Variants in SAP130 observed in about 807,000 individuals in gnomAD.
SAP130 encodes the protein Sin3A associated protein 130.
In SAP130, 16 loss-of-function variants were observed where a neutral mutation model predicts 103.2. That is an observed-to-expected ratio of 0.16 (90% CI 0.10 to 0.24). The LOEUF (loss-of-function observed/expected upper bound fraction) is 0.24. SAP130 is among the 10% of genes least tolerant of loss of function. The pLI is 1.00. For synonymous variants in SAP130, 477 were observed against 497.0 expected (o/e 0.96, Z 0.53); for missense variants, 990 against 1,359.7 (o/e 0.73, Z 4.28).
intron 15 of SAP130, among the ~76,000 whole-genome samples, chr2:127,977,335 C>CAAAAA (rs36038328): frequency 8.9e-6 from 1 of 111,756 alleles, no homozygotes; most frequent in Non-Finnish European, 1.7e-5. Flanking sequence ...ACTTAAAATA[C>CAAAAA]AAAAAAAAAA....
At chr2:128,027,163 T>A (rs1486076406) in intron 1 of SAP130, 1 of 1,292,850 alleles carries the variant, frequency 7.7e-7, no homozygotes, top group Non-Finnish European at 9.9e-7. Flanking sequence ...GGAGGGCCCA[T>A]CTCGGCGGCG....
At position 128,006,379 on chromosome 2, in the gene SAP130, A is replaced by T. The variant is rs372828731; in HGVS notation, c.869+3890T>A. 4.6e-5 allele frequency among the ~76,000 whole-genome samples: 7 copies of T among 152,354 alleles called. No individual in the cohort carries two copies. In the East Asian group the frequency reaches 9.6e-4, roughly 21 times the overall value. On this transcript the variant is annotated intron_variant, in intron 7 of 20. Transcript: ENST00000643581. ...CTGAATGTATTTAGTAGAAAAATTA[A>T]GATATGACTTACATTTTTCTGGAAT...
In SAP130 at chr2:127,989,387, T is replaced by G. The variant is rs1206602078; in HGVS notation, c.1780+177A>C. On this transcript the variant is annotated intron_variant, in intron 13 of 20. Coordinates refer to ENST00000643581, the MANE Select transcript of SAP130 (RefSeq NM_001330301.2). The surrounding 1 kb of genome is among the most constrained non-coding windows in gnomAD (Gnocchi z 4.6). ...GCTGGGATTACAGTGAGGTATATTA[T>G]TTCTAACGTTTACAGTGACCCTGAA... Among the ~76,000 whole-genome samples, 3 of 152,108 alleles carry G rather than the reference T, an allele frequency of 2.0e-5. No individual in the cohort carries two copies. Among genetic ancestry groups the G allele is most frequent in the African/African-American group, 7.2e-5 (3 of 41,436 alleles).
At chr2:127,965,769 G>A (rs750599742) in intron 15 of SAP130, among the ~76,000 whole-genome samples, 12 of 151,904 alleles carry the variant, frequency 7.9e-5, no homozygotes, top group East Asian at 1.9e-4. Context: ...CAGACTGGGC[G>A]ACAGAGCGAG....
intron 15 of SAP130, among the ~76,000 whole-genome samples, chr2:127,967,816 C>T (rs566198476): frequency 2.0e-5 from 3 of 152,198 alleles, no homozygotes; most frequent in Admixed American, 1.3e-4. Context: ...ATATAGAATA[C>T]TCCACCCAAC....
chr2:127,978,904 A>G (rs1681662583), intron 14 of SAP130, among the ~76,000 whole-genome samples: 1 of 152,374 alleles, frequency 6.6e-6, no homozygotes, highest in East Asian at 1.9e-4. Context: ...AATGTGGAAG[A>G]TAGAACAAGT....
chr2:128,027,466 G>C lies in SAP130; in HGVS notation c.-7+474C>G, dbSNP rs1467541373. On this transcript the variant is annotated intron_variant, in intron 1 of 20. Transcript: ENST00000643581. ...CTGGCCGGGGCAGCCCAAACCCCTC[G>C]AGGCTGAGCCAATGGCAGAGGAAGA... 4 of 965,074 alleles carry C rather than the reference G, an allele frequency of 4.1e-6. No individual in the cohort carries two copies. The African/African-American group carries it at 5.3e-5, about 13-fold the overall frequency. 59.8% of individuals were successfully genotyped at this position (965,074 alleles called of 1,614,324 possible). A position where few individuals can be genotyped will look rare whatever the true frequency, so the allele number is the denominator to read the frequency against.
intron 1 of SAP130, 28 bp downstream of exon 1, chr2:128,027,912 C>T (rs1231063254): frequency 1.6e-5 from 16 of 984,254 alleles, no homozygotes; most frequent in South Asian, 4.7e-5. Context: ...TCCTCCCCTT[C>T]CCTCCCGGGC....
In SAP130 at chr2:127,950,155, A is replaced by G. The variant is rs763452745; in HGVS notation, c.2671+5T>C. The G allele has an allele frequency of 3.7e-6, 6 of 1,614,186 alleles. No homozygotes were observed. Among genetic ancestry groups the G allele is most frequent in the East Asian group, 2.2e-5 (1 of 44,888 alleles). On this transcript the variant is annotated splice_donor_5th_base_variant and intron_variant, in intron 17 of 20. Coordinates refer to ENST00000643581, the MANE Select transcript of SAP130 (RefSeq NM_001330301.2). ...TCATAACACAAGTCAGCCTGTGACC[A>G]TTACCAATATACTCCTTGGGAGGAG...
At chr2:128,003,957 CTTTTTTTTTTTT>C (rs61211577) in intron 7 of SAP130, among the ~76,000 whole-genome samples, 101 of 67,924 alleles carry the variant, frequency 1.5e-3, no homozygotes, top group African/African-American at 3.6e-3. Context: ...CACAGATCAG[CTTTTTTTTTTTT>C]TTTTTTTTTT....
chr2:127,945,695 C>A, intron 18 of SAP130, 136 bp from the exon 19 acceptor site: 1 of 615,068 alleles, frequency 1.6e-6, no homozygotes, highest in Non-Finnish European at 2.9e-6. Context: ...CTCTGTCACC[C>A]AGGCTGAAGT....
intron 15 of SAP130, among the ~76,000 whole-genome samples, chr2:127,965,049 C>T (rs1321653797): frequency 6.8e-6 from 1 of 147,318 alleles, no homozygotes; most frequent in Admixed American, 6.9e-5. Context: ...GTAATCCCAG[C>T]CCTTTGGGAG....
chr2:128,006,347 T>C (rs115562423), intron 7 of SAP130, among the ~76,000 whole-genome samples: 3,172 of 152,344 alleles, frequency 0.021, 113 homozygotes, highest in African/African-American at 0.072. Context: ...GTCAAAGAAC[T>C]GACAGACTGA....
rs200953859 is a variant in SAP130, at chr2:127,989,837, T to C, written c.1507A>G (p.Thr503Ala). ...VSAQAPNSAITAQTGVGVAST... is the reference protein window; with the variant it reads ...VSAQAPNSAIAAQTGVGVAST... ...GCTACCCCAACACCAGTCTGAGCTG[T>C]GATGGCAGAGTTTGGAGCCTGAGCT... Residue 503 changes from threonine (T) to alanine (A), a missense_variant, in exon 13 of 21, where the codon ACA (threonine) becomes GCA (alanine). By Grantham distance (58) the Thr-to-Ala change is moderately conservative. Around this residue, in one of 6 missense-constraint regions of SAP130, gnomAD observed 336 missense variants for 520.1 expected, o/e 0.65. Coordinates refer to ENST00000643581, the MANE Select transcript of SAP130 (RefSeq NM_001330301.2). The surrounding 1 kb of genome is among the most constrained non-coding windows in gnomAD (Gnocchi z 4.6). The C allele has an allele frequency of 2.9e-5, 46 of 1,613,980 alleles. No homozygotes were observed. In the East Asian group the frequency reaches 7.8e-4, roughly 27 times the overall value.
At chr2:128,013,271 T>C (rs982937457) in intron 5 of SAP130, 117 bp from the exon 6 acceptor site, 12 of 851,406 alleles carry the variant, frequency 1.4e-5, no homozygotes, top group African/African-American at 1.2e-4. Context: ...ATGGTATGTA[T>C]ACTTCCCATT....
chr2:127,942,169 A>G lies in SAP130; in HGVS notation c.3016-5T>C. 6.3e-7 allele frequency: 1 copy of G among 1,583,826 alleles called. No individual in the cohort carries two copies. On this transcript the variant is annotated splice_region_variant and splice_polypyrimidine_tract_variant and intron_variant, in intron 20 of 20. Coordinates refer to ENST00000643581, the MANE Select transcript of SAP130 (RefSeq NM_001330301.2). This position sits in a 1 kb window ranked among gnomAD's most constrained non-coding sequence, Gnocchi z 4.8. ...TTTACACCTCTGCATATTTCCCTGAAACAGAAGACATTGCATCATCAATCA... is the reference window on the plus strand; with the variant it reads ...TTTACACCTCTGCATATTTCCCTGAGACAGAAGACATTGCATCATCAATCA...
At chr2:127,978,809 A>G (rs1681655392) in intron 14 of SAP130, among the ~76,000 whole-genome samples, 1 of 152,206 alleles carries the variant, frequency 6.6e-6, no homozygotes, top group South Asian at 2.1e-4. Context: ...TAATCACCAA[A>G]CTATGAAGTA....
rs1681596022 is a variant in SAP130 at position 127,978,028 on chromosome 2, C to G, written c.2020G>C (p.Glu674Gln). 1 of 1,551,866 alleles carries G rather than the reference C, an allele frequency of 6.4e-7. No homozygotes were observed. Among genetic ancestry groups the G allele is most frequent in the African/African-American group, 1.4e-5 (1 of 73,038 alleles). Residue 674 changes from glutamate to glutamine, a missense_variant, in exon 15 of 21, where the codon GAA (glutamate) becomes CAA (glutamine). Physicochemically the swap from Glu to Gln is conservative, Grantham distance 29. This residue lies in a region of SAP130 where 349 missense variants were observed against 384.1 expected (regional missense o/e 0.91). Transcript: ENST00000643581. ...CCAGACGTACTCCGCATAGAGCTTT[C>G]CACTCGAGGACTAGCAACATCAGGA... ...QPPDVASPRV[E>Q]SSMRSTSGSP...
At chr2:127,982,516 G>T (rs1026759612) in intron 14 of SAP130, among the ~76,000 whole-genome samples, 2 of 152,168 alleles carry the variant, frequency 1.3e-5, no homozygotes, top group Non-Finnish European at 2.9e-5. Context: ...GGAGCAATTT[G>T]TCGACTAACA....
Sources: allele counts gnomAD v4.1 joint callset (sites outside exome capture counted in the v4.1 genomes callset), GRCh38; gene constraint gnomAD v4.1.1; regional missense constraint gnomAD v4.1.1; non-coding constraint Gnocchi (gnomAD v3.1); transcripts MANE v1.5; gene names NCBI Gene and HGNC (gene_info 2026-07-23, HGNC 2026-07-21).